The following TRAF3 variants were observed in gnomAD, a reference collection of about 807,000 sequenced individuals.
TRAF3 encodes TNF receptor associated factor 3.
Under a neutral mutation model 62.3 loss-of-function variants are expected in TRAF3, and 13 were observed. The observed-to-expected ratio is 0.21, with a 90% CI of 0.14 to 0.33. The LOEUF (loss-of-function observed/expected upper bound fraction) is 0.33, where lower values mean the gene tolerates loss of function less well. Among genes scored for constraint, TRAF3 ranks in the 10% least tolerant of loss-of-function variants. The probability of loss-of-function intolerance (pLI) is 1.00; values close to 1 mark genes in which losing one functional copy is unlikely to be tolerated. For missense variants in TRAF3, 440 were observed against 741.8 expected (o/e 0.59, Z 4.73); for synonymous variants, 269 against 283.4 (o/e 0.95, Z 0.51).
At chr14:102,901,237 C>T (rs1890281253) in intron 10 of TRAF3, among the ~76,000 whole-genome samples, 1 of 152,106 alleles carries the variant, frequency 6.6e-6, no homozygotes, top group African/African-American at 2.4e-5. Context: ...GTAGCACAAT[C>T]GCGGGGAGGG....
At chr14:102,828,102 A>G (rs1386902425) in intron 1 of TRAF3, among the ~76,000 whole-genome samples, 2 of 152,258 alleles carry the variant, frequency 1.3e-5, no homozygotes, top group Non-Finnish European at 2.9e-5. Context: ...AGTAAAAAAC[A>G]CAAACCAGTC....
At chr14:102,791,322 C>T (rs929220724) in intron 1 of TRAF3, among the ~76,000 whole-genome samples, 14 of 152,056 alleles carry the variant, frequency 9.2e-5, no homozygotes, top group Admixed American at 2.6e-4. Flanking sequence ...CCCAGCTGAA[C>T]TTGGGATGTC....
chr14:102,843,113 G>C (rs1454981812), intron 2 of TRAF3, among the ~76,000 whole-genome samples: 1 of 151,560 alleles, frequency 6.6e-6, no homozygotes, highest in Non-Finnish European at 1.5e-5. Flanking sequence ...CGAGACAGGA[G>C]AATTGCTTGA....
At chr14:102,808,100 TTTGGA>T (rs1898883638) in intron 1 of TRAF3, among the ~76,000 whole-genome samples, 1 of 152,040 alleles carries the variant, frequency 6.6e-6, no homozygotes, top group East Asian at 1.9e-4. Flanking sequence ...TGGCGGTTGT[TTTGGA>T]TGGACAGGAA....
At chr14:102,897,608 A>G (rs1019611840) in intron 10 of TRAF3, among the ~76,000 whole-genome samples, 4 of 152,216 alleles carry the variant, frequency 2.6e-5, no homozygotes, top group African/African-American at 9.6e-5. Context: ...AGCGTTTTCA[A>G]ACTGCCTTTT....
intron 2 of TRAF3, among the ~76,000 whole-genome samples, chr14:102,864,839 G>A (rs140358698): frequency 2.0e-5 from 3 of 152,274 alleles, no homozygotes; most frequent in Non-Finnish European, 4.4e-5. Flanking sequence ...ATTCGCCTCC[G>A]TGGCTTCTCC....
rs1265929339 is a variant in TRAF3, at chr14:102,891,351, C to T, written c.753C>T (p.His251=). Residue 251 remains histidine (H), a synonymous_variant, in exon 9 of 12, where the codon CAC becomes CAT. Coordinates refer to ENST00000392745, the MANE Select transcript of TRAF3 (RefSeq NM_145725.3). Reference sequence around the variant, plus strand: ...GGACAAACCAGCAGATCAAGGCCCACGAGGCCAGCTCCGCCGTGCAGCACG... The same window carrying T: ...GGACAAACCAGCAGATCAAGGCCCATGAGGCCAGCTCCGCCGTGCAGCACG... The part of the protein sequence containing the change: ...FQGTNQQIKA[H]EASSAVQHVN... The T allele has an allele frequency of 3.1e-6, 5 of 1,613,324 alleles. No homozygotes were observed. The highest frequency in any genetic ancestry group is 1.6e-4 in the Middle Eastern group (1 of 6,084).
chr14:102,874,833 T>A lies in TRAF3; in HGVS notation c.298-791T>A, dbSNP rs989995909. Among the ~76,000 whole-genome samples, 79 of 151,946 alleles carry A rather than the reference T, an allele frequency of 5.2e-4. 1 individual carries two copies. The highest frequency in any genetic ancestry group is 3.1e-4 in the Non-Finnish European group (21 of 67,994). ...TTGCCCAGCTAATTTTTTAAAAAAA[T>A]TTTTGTAGAGATAGGGTCTCATTGT... On this transcript the variant is annotated intron_variant, in intron 4 of 11. Transcript: ENST00000392745.
intron 2 of TRAF3, among the ~76,000 whole-genome samples, chr14:102,845,874 G>A (rs1362297515): frequency 6.6e-6 from 1 of 151,362 alleles, no homozygotes; most frequent in African/African-American, 2.4e-5. Flanking sequence ...CAGCTACTGG[G>A]GAGGCTGAGG....
chr14:102,860,197 C>A lies in TRAF3; in HGVS notation c.-17-9988C>A, dbSNP rs182481651. 9.2e-5 allele frequency among the ~76,000 whole-genome samples: 14 copies of A among 152,292 alleles called. No individual in the cohort carries two copies. The East Asian group carries it at 2.7e-3, about 29-fold the overall frequency. On this transcript the variant is annotated intron_variant, in intron 2 of 11. Coordinates refer to ENST00000392745, the MANE Select transcript of TRAF3 (RefSeq NM_145725.3). ...CCCCCACAGTGCCATTTAGCCATCCCCAAAAGTATTAAATGTATTTCCTAC... is the reference window on the plus strand; with the variant it reads ...CCCCCACAGTGCCATTTAGCCATCCACAAAAGTATTAAATGTATTTCCTAC...
intron 2 of TRAF3, among the ~76,000 whole-genome samples, chr14:102,846,577 A>G (rs987585370): frequency 2.9e-5 from 4 of 140,288 alleles, no homozygotes; most frequent in Non-Finnish European, 6.1e-5. Context: ...CTGAGATGGG[A>G]GGATCACTTG....
intron 10 of TRAF3, among the ~76,000 whole-genome samples, chr14:102,899,892 C>T (rs1033959961): frequency 4.6e-5 from 7 of 152,138 alleles, no homozygotes; most frequent in African/African-American, 1.7e-4. Flanking sequence ...ATTAAGAAGA[C>T]AGCCAGGCCG....
chr14:102,820,685 G>A (rs754292455), intron 1 of TRAF3, among the ~76,000 whole-genome samples: 4 of 127,692 alleles, frequency 3.1e-5, no homozygotes, highest in Non-Finnish European at 6.3e-5. Flanking sequence ...GAGCACAGTG[G>A]TGCAATCACA....
intron 3 of TRAF3, among the ~76,000 whole-genome samples, chr14:102,871,126 C>T (rs1308110669): frequency 3.9e-5 from 6 of 152,196 alleles, no homozygotes; most frequent in Non-Finnish European, 8.8e-5. Flanking sequence ...CAGGGCATGT[C>T]GGCCTGGGAA....
In TRAF3 at chr14:102,876,474, G is replaced by A. The variant is rs1888656173; in HGVS notation, c.519G>A (p.Arg173=). 6.2e-7 allele frequency: 1 copy of A among 1,614,228 alleles called. No homozygotes were observed. ...RDHVEKACKY[R]EATCSHCKSQ... is the part of the protein sequence containing the mutation. ...ACGTGGAGAAGGCGTGTAAATACCG[G>A]GAAGCCACATGCAGCCACTGCAAGA... Residue 173 remains arginine (R), a synonymous_variant, in exon 6 of 12, where the codon CGG becomes CGA. Coordinates refer to ENST00000392745, the MANE Select transcript of TRAF3 (RefSeq NM_145725.3).
intron 10 of TRAF3, among the ~76,000 whole-genome samples, chr14:102,897,994 A>G (rs1368281152): frequency 6.6e-6 from 1 of 152,184 alleles, no homozygotes; most frequent in Non-Finnish European, 1.5e-5. Flanking sequence ...TTAATAGATG[A>G]TCATTGTAGA....
At chr14:102,839,790 C>T (rs963261642) in intron 2 of TRAF3, among the ~76,000 whole-genome samples, 1 of 152,126 alleles carries the variant, frequency 6.6e-6, no homozygotes, top group African/African-American at 2.4e-5. Flanking sequence ...AATTTATATC[C>T]ATTTGATACA....
chr14:102,822,518 A>G (rs1900047712), intron 1 of TRAF3, among the ~76,000 whole-genome samples: 1 of 152,250 alleles, frequency 6.6e-6, no homozygotes, highest in Admixed American at 6.5e-5. Context: ...ATGTGTGCGT[A>G]TCTAAAGTAG....
intron 1 of TRAF3, among the ~76,000 whole-genome samples, chr14:102,789,115 A>G (rs951692988): frequency 6.6e-6 from 1 of 152,100 alleles, no homozygotes; most frequent in East Asian, 1.9e-4. Context: ...TAGGAATCAT[A>G]TAACTTGTTT....
Sources: allele counts gnomAD v4.1 joint callset (sites outside exome capture counted in the v4.1 genomes callset), GRCh38; gene constraint gnomAD v4.1.1; transcripts MANE v1.5; gene names NCBI Gene and HGNC (gene_info 2026-07-23, HGNC 2026-07-21).